The following PTPRF variants were observed in gnomAD, a reference collection of about 807,000 sequenced individuals.
PTPRF encodes receptor-type tyrosine-protein phosphatase F.
In PTPRF, 59 loss-of-function variants were observed where a neutral mutation model predicts 201.8. The ratio of observed to expected loss-of-function variants is 0.29; its 90% CI spans 0.24 to 0.36. The LOEUF (loss-of-function observed/expected upper bound fraction) is 0.36. Ranked by LOEUF, PTPRF falls within the 10% of genes least tolerant of loss-of-function variation. The pLI, the probability that PTPRF is intolerant of heterozygous loss-of-function variation, is 1.00. For missense variants in PTPRF, 2,132 were observed against 2,690.5 expected, an observed-to-expected ratio of 0.79 and a Z score of 4.59; for synonymous variants, 1,088 against 1,089.7, an observed-to-expected ratio of 1.00 and a Z score of 0.03.
chr1:43,582,660 G>T (rs561632902), intron 7 of PTPRF: 1 of 152,478 alleles, frequency 6.6e-6, no homozygotes, highest in Non-Finnish European at 1.5e-5. Context: ...GTGTGTGTGG[G>T]GGTGGCTTCT....
At chr1:43,606,488 C>T (rs768061058) in intron 20 of PTPRF, 30 bp downstream of exon 20, 3 of 1,582,768 alleles carry the variant, frequency 1.9e-6, no homozygotes, top group East Asian at 2.2e-5. Flanking sequence ...GCTGTCAGCA[C>T]CCTGATTCCC....
At chr1:43,592,736 C>T in intron 11 of PTPRF, 135 bp downstream of exon 11, 1 of 1,136,390 alleles carries the variant, frequency 8.8e-7, no homozygotes, top group Non-Finnish European at 1.2e-6. Context: ...CTGGCCTGGG[C>T]TCTGAGTCTG....
Position 43,538,286 on chromosome 1 carries a change from G to A in PTPRF, c.-46+9G>A, listed in dbSNP as rs1422166750. 48 of 398,778 alleles carry A rather than the reference G, an allele frequency of 1.2e-4. No individual in the cohort carries two copies. Among genetic ancestry groups the A allele is most frequent in the Non-Finnish European group, 1.3e-5 (3 of 226,280 alleles). 24.7% of individuals were successfully genotyped at this position (398,778 alleles called of 1,614,324 possible). On this transcript the variant is annotated intron_variant, in intron 2 of 33. Coordinates refer to ENST00000359947, the MANE Select transcript of PTPRF (RefSeq NM_002840.5). The stretch of plus-strand genomic sequence containing the variant: ...GAAGAAGCAAAGACTCGGTGAGTGT[G>A]CCCCACAGAGTGGCCAGGAGCAGGG...
intron 29 of PTPRF, 75 bp from the exon 30 acceptor site, chr1:43,620,020 A>C: frequency 6.3e-7 from 1 of 1,597,828 alleles, no homozygotes; most frequent in Non-Finnish European, 8.5e-7. Context: ...CAGGGCCCCA[A>C]GGGGCTAGGC....
intron 5 of PTPRF, among the ~76,000 whole-genome samples, chr1:43,568,678 T>C (rs891978918): frequency 5.3e-5 from 8 of 151,956 alleles, no homozygotes; most frequent in African/African-American, 1.9e-4. Context: ...TTCCAAGGGG[T>C]GGAGAGTAGA....
intron 5 of PTPRF, among the ~76,000 whole-genome samples, chr1:43,556,985 C>T (rs931531044): frequency 1.3e-5 from 2 of 152,226 alleles, no homozygotes; most frequent in Non-Finnish European, 2.9e-5. Flanking sequence ...TTCTCAGGCT[C>T]CTCCCTGCCA....
Position 43,588,283 on chromosome 1 carries a change from T to G in PTPRF, c.680-448T>G, listed in dbSNP as rs2154007660. ...ACTGGCCTTCTGCTCTGCCCAGCCATGCTCTGAGGACCCTCCACCCTAGGG... is the reference window on the plus strand; with the variant it reads ...ACTGGCCTTCTGCTCTGCCCAGCCAGGCTCTGAGGACCCTCCACCCTAGGG... On this transcript the variant is annotated intron_variant, in intron 7 of 33. Coordinates refer to ENST00000359947, the MANE Select transcript of PTPRF (RefSeq NM_002840.5). The surrounding 1 kb of genome is among the most constrained non-coding windows in gnomAD (Gnocchi z 5.3). Among the ~76,000 whole-genome samples, 1 of 152,280 alleles carries G rather than the reference T, an allele frequency of 6.6e-6. No individual in the cohort carries two copies. Among genetic ancestry groups the G allele is most frequent in the South Asian group, 2.1e-4 (1 of 4,830 alleles).
chr1:43,599,347 A>G (rs1570504748), intron 13 of PTPRF, among the ~76,000 whole-genome samples: 1 of 152,174 alleles, frequency 6.6e-6, no homozygotes, highest in East Asian at 1.9e-4. Flanking sequence ...GAGTGCTGAG[A>G]ATACAGGTGT....
At chr1:43,617,363 CG>C (rs1658118812) in intron 23 of PTPRF, 81 bp from the exon 24 acceptor site, 1 of 1,573,840 alleles carries the variant, frequency 6.4e-7, no homozygotes, top group African/African-American at 1.3e-5. Context: ...TGAGCATCAC[CG>C]GGAAGGCTGG....
chr1:43,602,439 A>G (rs1230645423), intron 14 of PTPRF, among the ~76,000 whole-genome samples: 1 of 152,178 alleles, frequency 6.6e-6, no homozygotes, highest in Non-Finnish European at 1.5e-5. Flanking sequence ...TTTAGGGCCC[A>G]GGCTGGGAGG....
chr1:43,573,159 A>G (rs142820649), intron 6 of PTPRF, among the ~76,000 whole-genome samples: 2,111 of 152,204 alleles, frequency 0.014, 56 homozygotes, highest in African/African-American at 0.048. Context: ...CTCCTGGAGA[A>G]TTGGAACTTG....
rs1377351690 is a variant in PTPRF, at chr1:43,546,074, C to T, written c.91+908C>T. On this transcript the variant is annotated intron_variant, in intron 3 of 33. Coordinates refer to ENST00000359947, the MANE Select transcript of PTPRF (RefSeq NM_002840.5). This position sits in a 1 kb window ranked among gnomAD's most constrained non-coding sequence, Gnocchi z 4.2. ...GCCTGTCCAGAGCCCAGGGGTGATC[C>T]AGGGCCAACCCTGGGGTCAGCCCAC... Among the ~76,000 whole-genome samples the T allele has an allele frequency of 1.3e-5, 2 of 152,152 alleles. No homozygotes were observed. The highest frequency in any genetic ancestry group is 3.9e-4 in the East Asian group (2 of 5,184).
chr1:43,578,093 G>A (rs1275663452), intron 6 of PTPRF, among the ~76,000 whole-genome samples: 2 of 152,264 alleles, frequency 1.3e-5, no homozygotes, highest in Non-Finnish European at 2.9e-5. Flanking sequence ...GCTCCTGTCT[G>A]TCCGTCTGCG....
At position 43,603,568 on chromosome 1, in the gene PTPRF, G is replaced by A. The variant is rs747433130; in HGVS notation, c.2458+35G>A. On this transcript the variant is annotated intron_variant, in intron 15 of 33. Coordinates refer to ENST00000359947, the MANE Select transcript of PTPRF (RefSeq NM_002840.5). The surrounding 1 kb of genome is among the most constrained non-coding windows in gnomAD (Gnocchi z 5.8). Reference sequence around the variant, plus strand: ...GGGTCAGGACGGACCTGAGGGTGGGGCAGCAGGAGGGCAGCGCCAGAGCCC... The same window carrying A: ...GGGTCAGGACGGACCTGAGGGTGGGACAGCAGGAGGGCAGCGCCAGAGCCC... 3.7e-6 allele frequency: 6 copies of A among 1,612,780 alleles called. No homozygotes were observed. In the Admixed American group the frequency reaches 5.0e-5, roughly 13 times the overall value.
chr1:43,573,684 C>T (rs1324960813), intron 6 of PTPRF, among the ~76,000 whole-genome samples: 1 of 152,252 alleles, frequency 6.6e-6, no homozygotes, highest in African/African-American at 2.4e-5. Flanking sequence ...GAATACACCC[C>T]TAAGGATGCT....
At chr1:43,558,982 G>C (rs913633542) in intron 5 of PTPRF, among the ~76,000 whole-genome samples, 1 of 152,202 alleles carries the variant, frequency 6.6e-6, no homozygotes. Context: ...ACAAGGAGGC[G>C]GGGAGAAGAA....
chr1:43,581,009 C>G (rs1488424018), intron 7 of PTPRF, among the ~76,000 whole-genome samples: 1 of 152,254 alleles, frequency 6.6e-6, no homozygotes, highest in African/African-American at 2.4e-5. Context: ...TCTGAAGTCA[C>G]TGTTACACTG....
chr1:43,569,510 A>G, intron 5 of PTPRF, 80 bp from the exon 6 acceptor site: 5 of 1,420,966 alleles, frequency 3.5e-6, no homozygotes, highest in Non-Finnish European at 3.8e-6. Context: ...GCCAACCTGC[A>G]GTTGGGGAGG....
rs895444816 is a variant in PTPRF at position 43,546,523 on chromosome 1, G to A, written c.91+1357G>A. Among the ~76,000 whole-genome samples, 3 of 152,136 alleles carry A rather than the reference G, an allele frequency of 2.0e-5. No homozygotes were observed. Among genetic ancestry groups the A allele is most frequent in the African/African-American group, 2.4e-5 (1 of 41,410 alleles). Reference sequence around the variant, plus strand: ...GGCAGGAAGGTGAAGGCTTGTCCACGTGTGGTCAGTAGCTCTTGGACATTG... The same window carrying A: ...GGCAGGAAGGTGAAGGCTTGTCCACATGTGGTCAGTAGCTCTTGGACATTG... On this transcript the variant is annotated intron_variant, in intron 3 of 33. Transcript: ENST00000359947. The surrounding 1 kb of genome is among the most constrained non-coding windows in gnomAD (Gnocchi z 4.2).
Sources: allele counts gnomAD v4.1 joint callset (sites outside exome capture counted in the v4.1 genomes callset), GRCh38; gene constraint gnomAD v4.1.1; non-coding constraint Gnocchi (gnomAD v3.1); transcripts MANE v1.5; gene names NCBI Gene and HGNC (gene_info 2026-07-23, HGNC 2026-07-21).